FAM13A: variants seen among roughly 807,000 people sequenced by gnomAD.
FAM13A encodes family with sequence similarity 13 member A.
FAM13A carries 76 observed loss-of-function variants against 129.6 expected under a neutral mutation model. That is an observed-to-expected ratio of 0.59 (90% CI 0.49 to 0.71). The LOEUF is 0.71. Among genes scored for constraint, FAM13A ranks in the 30% least tolerant of loss-of-function variants. The pLI, the probability that FAM13A is intolerant of heterozygous loss-of-function variation, is 0.00. For synonymous variants in FAM13A, 443 were observed against 449.9 expected, an observed-to-expected ratio of 0.98 and a Z score of 0.20; for missense variants, 1,108 against 1,249.3, an observed-to-expected ratio of 0.89 and a Z score of 1.70.
chr4:88,877,485 G>A (rs928875718), intron 6 of FAM13A, among the ~76,000 whole-genome samples: 1 of 152,160 alleles, frequency 6.6e-6, no homozygotes, highest in Non-Finnish European at 1.5e-5. Context: ...ATAACAATAT[G>A]TTAAGGGGAA....
chr4:88,782,573 A>G (rs1378340406), intron 10 of FAM13A, among the ~76,000 whole-genome samples: 2 of 152,226 alleles, frequency 1.3e-5, no homozygotes, highest in Non-Finnish European at 1.5e-5. Context: ...TAGACAGGGT[A>G]TAACAGGCAA....
chr4:88,826,613 TCTCA>T (rs1402511733), intron 7 of FAM13A, among the ~76,000 whole-genome samples: 2 of 152,168 alleles, frequency 1.3e-5, no homozygotes, highest in Non-Finnish European at 2.9e-5. Context: ...ACAGAACCTC[TCTCA>T]CTCACTAATT....
rs1248626461 is a variant in FAM13A at position 89,052,570 on chromosome 4, G to T, written c.27+4368C>A. Among the ~76,000 whole-genome samples the T allele has an allele frequency of 8.6e-5, 13 of 150,494 alleles. No homozygotes were observed. In the Admixed American group the frequency reaches 8.7e-4, roughly 10 times the overall value. On this transcript the variant is annotated intron_variant, in intron 1 of 23. Transcript: ENST00000264344. ...GGAACTTGCACTCTGGGCCTGGGAT[G>T]AGAGTAATAGCTCTGAGGATTTTTA...
chr4:88,840,740 A>T (rs571193261), intron 7 of FAM13A, among the ~76,000 whole-genome samples: 1 of 152,200 alleles, frequency 6.6e-6, no homozygotes, highest in Non-Finnish European at 1.5e-5. Context: ...GTAGATCTAA[A>T]TCATGCTCAT....
At position 89,027,512 on chromosome 4, in the gene FAM13A, T is replaced by TAA. The variant is rs35923372; in HGVS notation, c.217+1946_217+1947dup. Among the ~76,000 whole-genome samples, 997 of 144,732 alleles carry TAA rather than the reference T, an allele frequency of 6.9e-3. 7 individuals carry two copies. The highest frequency in any genetic ancestry group is 0.019 in the African/African-American group (748 of 39,524). The allele number at this position is 144,732 out of a possible 152,430, so 94.9% of individuals were successfully genotyped here. A position where few individuals can be genotyped will look rare whatever the true frequency, so the allele number is the denominator to read the frequency against. On this transcript the variant is annotated intron_variant, in intron 2 of 23. Coordinates refer to ENST00000264344, the MANE Select transcript of FAM13A (RefSeq NM_014883.4). ...AAAACAGAGCAAGACTCTGTCCCTT[T>TAA]AAAAAAAAAAAAGCAATACAATAGA...
chr4:88,730,214 G>T (rs764897010), intron 23 of FAM13A: 2 of 152,188 alleles, frequency 1.3e-5, no homozygotes, highest in African/African-American at 4.8e-5. Context: ...AATTTAAAAT[G>T]ATAAAACCTA....
At chr4:88,931,955 C>A (rs995298414) in intron 5 of FAM13A, among the ~76,000 whole-genome samples, 1 of 152,154 alleles carries the variant, frequency 6.6e-6, no homozygotes, top group Admixed American at 6.5e-5. Flanking sequence ...CCAAAAACAT[C>A]TTTTATTTCC....
At chr4:88,929,554 C>T (rs902807409) in intron 5 of FAM13A, among the ~76,000 whole-genome samples, 10 of 151,978 alleles carry the variant, frequency 6.6e-5, no homozygotes, top group Non-Finnish European at 1.5e-4. Flanking sequence ...TTTGTAGTTC[C>T]ATATGTCTTG....
At chr4:88,863,010 A>ATATACATACATATATATG (rs144141989) in intron 6 of FAM13A, among the ~76,000 whole-genome samples, 2 of 150,640 alleles carry the variant, frequency 1.3e-5, no homozygotes, top group African/African-American at 2.4e-5. Context: ...AAATATATAC[A>ATATACATACATATATATG]TATATATTTG....
intron 2 of FAM13A, among the ~76,000 whole-genome samples, chr4:89,028,071 G>T (rs1384275516): frequency 6.6e-6 from 1 of 151,502 alleles, no homozygotes; most frequent in Non-Finnish European, 1.5e-5. Flanking sequence ...AAAAATAGCT[G>T]GGTGTTCATC....
intron 18 of FAM13A, among the ~76,000 whole-genome samples, chr4:88,747,327 G>A (rs541644193): frequency 2.6e-5 from 4 of 152,250 alleles, no homozygotes; most frequent in Middle Eastern, 3.4e-3. Context: ...ACGGTTATAC[G>A]TTACATGGTC....
At chr4:88,824,374 C>T (rs1732610485) in intron 7 of FAM13A, among the ~76,000 whole-genome samples, 1 of 152,020 alleles carries the variant, frequency 6.6e-6, no homozygotes, top group African/African-American at 2.4e-5. Flanking sequence ...AACACAAGGT[C>T]CTATTTATTA....
chr4:88,913,238 G>C (rs576052005), intron 5 of FAM13A, among the ~76,000 whole-genome samples: 18 of 131,070 alleles, frequency 1.4e-4, no homozygotes, highest in African/African-American at 4.9e-4. Context: ...GGAAGAAGAG[G>C]AGGAGGAGGA....
At chr4:88,923,688 G>C (rs1195385130) in intron 5 of FAM13A, among the ~76,000 whole-genome samples, 1 of 152,136 alleles carries the variant, frequency 6.6e-6, no homozygotes, top group Non-Finnish European at 1.5e-5. Flanking sequence ...ACTCAGTGTT[G>C]GAAGTTCTGG....
chr4:88,919,083 C>G (rs955042996), intron 5 of FAM13A, among the ~76,000 whole-genome samples: 8 of 152,186 alleles, frequency 5.3e-5, no homozygotes, highest in African/African-American at 1.7e-4. Context: ...ACTATTTTCC[C>G]ATAAATAGCT....
At chr4:88,934,815 C>T (rs1753591962) in intron 5 of FAM13A, among the ~76,000 whole-genome samples, 1 of 152,160 alleles carries the variant, frequency 6.6e-6, no homozygotes, top group East Asian at 1.9e-4. Context: ...GACTATTTGC[C>T]AAATTCAACA....
At chr4:89,002,290 C>T (rs763894520) in intron 3 of FAM13A, among the ~76,000 whole-genome samples, 12 of 152,048 alleles carry the variant, frequency 7.9e-5, no homozygotes, top group Admixed American at 6.6e-5. Context: ...CTGTCAGGCT[C>T]GGCAAGTCCT....
chr4:88,994,425 T>C (rs1763282388), intron 3 of FAM13A, among the ~76,000 whole-genome samples: 1 of 152,204 alleles, frequency 6.6e-6, no homozygotes, highest in Non-Finnish European at 1.5e-5. Context: ...ATGAGAATAA[T>C]AATTGCTCAA....
At chr4:88,788,433 G>T (rs1035627980) in intron 9 of FAM13A, among the ~76,000 whole-genome samples, 2 of 151,992 alleles carry the variant, frequency 1.3e-5, no homozygotes, top group Non-Finnish European at 2.9e-5. Context: ...ATGATATTTT[G>T]GGAAAAAACT....
Sources: gnomAD v4.1 joint callset for allele counts (sites outside exome capture counted in the v4.1 genomes callset) on GRCh38, gnomAD v4.1.1 for gene constraint, MANE v1.5 for transcripts, NCBI Gene and HGNC (gene_info 2026-07-23, HGNC 2026-07-21) for gene names.